The following N4BP1 variants were observed in gnomAD, a reference collection of about 807,000 sequenced individuals.
N4BP1 encodes NEDD4-binding protein 1.
Under a neutral mutation model 70.9 loss-of-function variants are expected in N4BP1, and 21 were observed. The ratio of observed to expected loss-of-function variants is 0.30; its 90% confidence interval spans 0.21 to 0.43. The LOEUF (loss-of-function observed/expected upper bound fraction) is 0.43. N4BP1 is among the 20% of genes least tolerant of loss of function. N4BP1 has a pLI of 1.00. For missense variants in N4BP1, 936 were observed against 1,069.4 expected, an observed-to-expected ratio of 0.88 and a Z score of 1.74; for synonymous variants, 387 against 394.6, an observed-to-expected ratio of 0.98 and a Z score of 0.23.
chr16:48,564,271 G>A (rs866227465), intron 1 of N4BP1, among the ~76,000 whole-genome samples: 4 of 152,136 alleles, frequency 2.6e-5, no homozygotes, highest in African/African-American at 9.7e-5. Flanking sequence ...CAAGCCTGGG[G>A]TACTGAAGAC....
At chr16:48,591,875 T>C (rs954655923) in intron 1 of N4BP1, among the ~76,000 whole-genome samples, 4 of 135,862 alleles carry the variant, frequency 2.9e-5, no homozygotes, top group Admixed American at 7.5e-5. Flanking sequence ...CTTTACATTA[T>C]GTTACCTGAC....
intron 1 of N4BP1, among the ~76,000 whole-genome samples, chr16:48,597,527 G>A (rs935487246): frequency 2.0e-5 from 3 of 152,150 alleles, no homozygotes; most frequent in African/African-American, 7.2e-5. Context: ...AATTGCTTCG[G>A]ATGTTTTTCA....
At chr16:48,583,066 A>C (rs1301875731) in intron 1 of N4BP1, among the ~76,000 whole-genome samples, 2 of 152,202 alleles carry the variant, frequency 1.3e-5, no homozygotes, top group African/African-American at 4.8e-5. Flanking sequence ...AGCCTGGGCG[A>C]CAGAGTGAGG....
At chr16:48,595,880 T>C (rs919254293) in intron 1 of N4BP1, among the ~76,000 whole-genome samples, 6 of 152,300 alleles carry the variant, frequency 3.9e-5, no homozygotes, top group Admixed American at 2.0e-4. Flanking sequence ...CCCCAAGTTA[T>C]CTTGGGACCT....
intron 1 of N4BP1, among the ~76,000 whole-genome samples, chr16:48,591,292 G>A (rs1964333479): frequency 6.6e-6 from 1 of 151,796 alleles, no homozygotes; most frequent in African/African-American, 2.4e-5. Context: ...ACTTTTTGAG[G>A]GTCCCACCCC....
At chr16:48,564,847 C>T (rs944800416) in intron 1 of N4BP1, among the ~76,000 whole-genome samples, 6 of 152,060 alleles carry the variant, frequency 3.9e-5, no homozygotes, top group African/African-American at 1.4e-4. Context: ...CTTTCATTAG[C>T]CTTTTGAGTT....
intron 1 of N4BP1, among the ~76,000 whole-genome samples, chr16:48,570,782 GCTTA>G (rs1964007197): frequency 6.6e-6 from 1 of 152,102 alleles, no homozygotes; most frequent in Non-Finnish European, 1.5e-5. Context: ...GGTGGAGTAT[GCTTA>G]CTCTTTTTTT....
chr16:48,606,911 A>G (rs1964590920), intron 1 of N4BP1, among the ~76,000 whole-genome samples: 1 of 152,208 alleles, frequency 6.6e-6, no homozygotes, highest in African/African-American at 2.4e-5. Context: ...CTAACTTAAA[A>G]TATTATAGAT....
At chr16:48,568,897 G>A (rs1221478544) in intron 1 of N4BP1, among the ~76,000 whole-genome samples, 4 of 152,176 alleles carry the variant, frequency 2.6e-5, no homozygotes, top group Non-Finnish European at 5.9e-5. Flanking sequence ...GTTGTGTTCC[G>A]TGAGCTTCTT....
At chr16:48,559,833 C>T (rs909112163) in intron 2 of N4BP1, 25 of 152,218 alleles carry the variant, frequency 1.6e-4, no homozygotes, top group African/African-American at 5.5e-4. Flanking sequence ...AATCATTGTT[C>T]GTGCAGATCA....
chr16:48,587,724 T>G (rs1464886255), intron 1 of N4BP1, among the ~76,000 whole-genome samples: 1 of 152,198 alleles, frequency 6.6e-6, no homozygotes, highest in Non-Finnish European at 1.5e-5. Context: ...CATAAGAATT[T>G]TATTTAATAA....
intron 1 of N4BP1, among the ~76,000 whole-genome samples, chr16:48,571,179 G>C (rs1421602215): frequency 1.3e-5 from 2 of 152,204 alleles, no homozygotes; most frequent in East Asian, 3.8e-4. Flanking sequence ...GTGAATAGAT[G>C]AATTCACATG....
In N4BP1 at chr16:48,561,844, T is replaced by C; in HGVS notation, c.799A>G (p.Asn267Asp). Residue 267 changes from asparagine to aspartate, a missense_variant, in exon 2 of 7, where the codon AAT (asparagine) becomes GAT (aspartate). By Grantham distance (23) the Asn-to-Asp change is conservative. Around this residue, in one of 4 missense-constraint regions of N4BP1, gnomAD observed 515 missense variants for 491.7 expected, o/e 1.05. Transcript: ENST00000262384. ...SSPDVLFDPI[N>D]GLTPDEEALS... Reference sequence around the variant, plus strand: ...GCCTCTTCATCTGGGGTTAGACCATTTATTGGATCAAAAAGCACATCTGGT... The same window carrying C: ...GCCTCTTCATCTGGGGTTAGACCATCTATTGGATCAAAAAGCACATCTGGT... 6 of 1,613,846 alleles carry C rather than the reference T, an allele frequency of 3.7e-6. No individual in the cohort carries two copies. The highest frequency in any genetic ancestry group is 5.1e-6 in the Non-Finnish European group (6 of 1,179,864).
At chr16:48,548,459 T>G (rs1310017184) in intron 4 of N4BP1, among the ~76,000 whole-genome samples, 1 of 152,200 alleles carries the variant, frequency 6.6e-6, no homozygotes, top group South Asian at 2.1e-4. Context: ...TGTGAAATCA[T>G]TATTCAGATT....
chr16:48,539,847 G>A lies in N4BP1; in HGVS notation c.*3057C>T, dbSNP rs1378346628. On this transcript the variant is annotated 3_prime_UTR_variant, in exon 7 of 7. Transcript: ENST00000262384. ...GGAGTGAGGGAAGTGGTGGGAAGCA[G>A]GGAAAGTCCGGTCAAGCCATGTGCA... 1 of 152,568 alleles carries A rather than the reference G, an allele frequency of 6.6e-6. No individual in the cohort carries two copies. The highest frequency in any genetic ancestry group is 2.4e-5 in the African/African-American group (1 of 41,484). The allele number at this position is 152,568 out of a possible 1,614,324, so 9.5% of individuals were successfully genotyped here. A position where few individuals can be genotyped will look rare whatever the true frequency, so the allele number is the denominator to read the frequency against.
At position 48,594,234 on chromosome 16, in the gene N4BP1, T is replaced by C. The variant is rs982385908; in HGVS notation, c.198+15541A>G. ...ATCATGCTATCTTCACTGGATCTTG[T>C]TGTTTGGAAAGCTGAGTCTCCTTTC... On this transcript the variant is annotated intron_variant, in intron 1 of 6. Transcript: ENST00000262384. 2.0e-4 allele frequency among the ~76,000 whole-genome samples: 31 copies of C among 152,256 alleles called. 1 individual carries two copies. The highest frequency in any genetic ancestry group is 1.1e-3 in the Admixed American group (17 of 15,296).
chr16:48,565,574 T>C (rs1270178397), intron 1 of N4BP1, among the ~76,000 whole-genome samples: 7 of 152,222 alleles, frequency 4.6e-5, no homozygotes, highest in East Asian at 1.9e-4. Flanking sequence ...CTATACGGAC[T>C]CTGGTCTACA....
Position 48,562,309 on chromosome 16 carries a change from T to C in N4BP1, c.334A>G (p.Ile112Val). ...ATGCCAAGAAGGCCAATGTCCAGAA[T>C]GCAGAGGTCAGCACAAGTATCCTGA... ...LIQDTCADLC[I>V]LDIGLLGIRG... Residue 112 changes from isoleucine to valine, a missense_variant, in exon 2 of 7, where the codon ATT (isoleucine) becomes GTT (valine). Ile to Val is a conservative substitution (Grantham distance 29, BLOSUM62 3). Around this residue, in one of 4 missense-constraint regions of N4BP1, gnomAD observed 187 missense variants for 217.1 expected, o/e 0.86. Transcript: ENST00000262384. 6.2e-7 allele frequency: 1 copy of C among 1,613,958 alleles called. No homozygotes were observed. The highest frequency in any genetic ancestry group is 8.5e-7 in the Non-Finnish European group (1 of 1,179,858).
Position 48,543,275 on chromosome 16 carries a change from T to C in N4BP1, c.2334-14A>G. 1 of 1,491,646 alleles carries C rather than the reference T, an allele frequency of 6.7e-7. No homozygotes were observed. Among genetic ancestry groups the C allele is most frequent in the African/African-American group, 1.4e-5 (1 of 71,336 alleles). 92.4% of individuals were successfully genotyped at this position (1,491,646 alleles called of 1,614,324 possible). A position where few individuals can be genotyped will look rare whatever the true frequency, so the allele number is the denominator to read the frequency against. ...GGCTGCATATCTCTGTGAATGGAAG[T>C]GAGTCCTGGTGAGTTGGGTTATAAG... On this transcript the variant is annotated splice_polypyrimidine_tract_variant and intron_variant, in intron 6 of 6. Coordinates refer to ENST00000262384, the MANE Select transcript of N4BP1 (RefSeq NM_153029.4).
Sources: gnomAD v4.1 joint callset for allele counts (sites outside exome capture counted in the v4.1 genomes callset) on GRCh38, gnomAD v4.1.1 for gene constraint, gnomAD v4.1.1 regional missense constraint, MANE v1.5 for transcripts, NCBI Gene and HGNC (gene_info 2026-07-23, HGNC 2026-07-21) for gene names.